Variants in SOS1 observed in about 807,000 individuals in gnomAD.
The protein encoded by SOS1 is SOS Ras/Rac guanine nucleotide exchange factor 1, also known as son of sevenless homolog 1.
Under a neutral mutation model 157.6 loss-of-function variants are expected in SOS1, and 25 were observed. The observed-to-expected ratio is 0.16, with a 90% CI of 0.12 to 0.22. The LOEUF (loss-of-function observed/expected upper bound fraction) is 0.22. SOS1 is among the 10% of genes least tolerant of loss of function. The pLI, the probability that SOS1 is intolerant of heterozygous loss-of-function variation, is 1.00. For missense variants in SOS1, 1,237 were observed against 1,599.1 expected (o/e 0.77, Z 3.86); for synonymous variants, 528 against 534.0 (o/e 0.99, Z 0.16).
chr2:39,095,411 CTT>C (rs1672735327), intron 1 of SOS1, among the ~76,000 whole-genome samples: 1 of 152,130 alleles, frequency 6.6e-6, no homozygotes, highest in African/African-American at 2.4e-5. Flanking sequence ...GGGGAAAAGT[CTT>C]AGTGCAGAGA....
intron 8 of SOS1, among the ~76,000 whole-genome samples, chr2:39,033,080 T>TG (rs892954435): frequency 6.6e-6 from 1 of 151,494 alleles, no homozygotes; most frequent in African/African-American, 2.4e-5. Context: ...CTTCTTTTTT[T>TG]TTTTTTCGAG....
At chr2:39,015,282 T>G (rs1163729074) in intron 10 of SOS1, among the ~76,000 whole-genome samples, 2 of 151,816 alleles carry the variant, frequency 1.3e-5, no homozygotes, top group Admixed American at 6.6e-5. Flanking sequence ...TATCTAGCTT[T>G]CTTTAAATCA....
At chr2:39,045,243 G>GGAGGGA (rs1553360169) in intron 6 of SOS1, among the ~76,000 whole-genome samples, 1 of 83,316 alleles carries the variant, frequency 1.2e-5, no homozygotes, top group African/African-American at 5.9e-5. Context: ...AGAGAGAGAG[G>GGAGGGA]GAGAGAGAGA....
At chr2:38,989,677 G>A (rs1454371095) in intron 20 of SOS1, among the ~76,000 whole-genome samples, 3 of 151,976 alleles carry the variant, frequency 2.0e-5, no homozygotes, top group African/African-American at 7.2e-5. Flanking sequence ...ACTCAAACTT[G>A]TGAAACAAGT....
At chr2:39,091,764 GGCCAGGACTAAATCCCT>G (rs750818493) in intron 1 of SOS1, among the ~76,000 whole-genome samples, 16 of 151,960 alleles carry the variant, frequency 1.1e-4, no homozygotes, top group Non-Finnish European at 1.8e-4. Context: ...TCTATAATAC[GGCCAGGACTAAATCCCT>G]GCCCGCATCT....
rs752017140 is a variant in SOS1 at position 39,058,707 on chromosome 2, G to C, written c.311C>G (p.Ser104Cys). The change falls in exon 3 of 23, where the codon TCT becomes TGT. Residue 104 changes from serine to cysteine, a missense_variant. This residue lies in a region of SOS1 where 37 missense variants were observed against 38.5 expected (regional missense o/e 0.96). Coordinates refer to ENST00000402219, the MANE Select transcript of SOS1 (RefSeq NM_005633.4). ...IEKRKRRNPLSLPVEKIHPLL... is the reference protein window; with the variant it reads ...IEKRKRRNPLCLPVEKIHPLL... Reference sequence around the variant, plus strand: ...AGGATGAATTTTTTCTACTGGGAGAGATAAAGGGTTTCTTCGCTTCCTCTT... The same window carrying C: ...AGGATGAATTTTTTCTACTGGGAGACATAAAGGGTTTCTTCGCTTCCTCTT... 1 of 1,612,866 alleles carries C rather than the reference G, an allele frequency of 6.2e-7. No individual in the cohort carries two copies. Among genetic ancestry groups the C allele is most frequent in the South Asian group, 1.1e-5 (1 of 91,032 alleles).
Position 39,089,622 on chromosome 2 carries a change from T to C in SOS1, c.88-21869A>G, listed in dbSNP as rs1009940219. 3.3e-5 allele frequency among the ~76,000 whole-genome samples: 5 copies of C among 150,938 alleles called. No homozygotes were observed. In the South Asian group the frequency reaches 8.4e-4, roughly 25 times the overall value. On this transcript the variant is annotated intron_variant, in intron 1 of 22. Transcript: ENST00000402219. Reference sequence around the variant, plus strand: ...GCAACAATTTACACAACAAAATAAGTAGCAATAGTATTGGATTATAACCCA... The same window carrying C: ...GCAACAATTTACACAACAAAATAAGCAGCAATAGTATTGGATTATAACCCA...
intron 1 of SOS1, among the ~76,000 whole-genome samples, chr2:39,077,653 T>C (rs1006893698): frequency 2.0e-5 from 3 of 152,040 alleles, no homozygotes; most frequent in Non-Finnish European, 4.4e-5. Flanking sequence ...AAGACCACCG[T>C]AATGGAGAGC....
intron 1 of SOS1, among the ~76,000 whole-genome samples, chr2:39,119,763 A>AAAACG (rs996954337): frequency 2.0e-5 from 3 of 152,216 alleles, no homozygotes; most frequent in Admixed American, 6.5e-5. Flanking sequence ...AAAACAAAAC[A>AAAACG]AAACCCCCCT....
At chr2:39,124,562 C>T (rs1674010588), upstream of SOS1, among the ~76,000 whole-genome samples, 1 of 152,260 alleles carries the variant, frequency 6.6e-6, no homozygotes, top group East Asian at 1.9e-4. Flanking sequence ...CAACGCTCCG[C>T]GCCTTTGCCT....
At chr2:39,025,199 G>GTT (rs1481149438) in intron 8 of SOS1, among the ~76,000 whole-genome samples, 1 of 152,068 alleles carries the variant, frequency 6.6e-6, no homozygotes, top group African/African-American at 2.4e-5. Context: ...AAGCCTACGA[G>GTT]TTTGAGATAC....
intron 5 of SOS1, among the ~76,000 whole-genome samples, chr2:39,052,233 A>C (rs1671042405): frequency 6.6e-6 from 1 of 152,232 alleles, no homozygotes; most frequent in Admixed American, 6.5e-5. Flanking sequence ...TAGAATCTGC[A>C]ACCATATCCA....
intron 5 of SOS1, among the ~76,000 whole-genome samples, chr2:39,054,028 C>T (rs1265483150): frequency 6.6e-6 from 1 of 151,838 alleles, no homozygotes; most frequent in African/African-American, 2.4e-5. Flanking sequence ...CCCAGGTTCA[C>T]GCCATTCTCC....
chr2:39,038,732 C>CA lies in SOS1; in HGVS notation c.865-3233dup, dbSNP rs534107281. ...CTGGCAACAAAATGAGACTCCGTCTCAAAAAAAAAAAAAAAAGTCGTTTCT... is the reference window on the plus strand; with the variant it reads ...CTGGCAACAAAATGAGACTCCGTCTCAAAAAAAAAAAAAAAAAGTCGTTTCT... On this transcript the variant is annotated intron_variant, in intron 6 of 22. Transcript: ENST00000402219. 2.1e-3 allele frequency among the ~76,000 whole-genome samples: 39 copies of CA among 18,214 alleles called. 9 individuals carry two copies. The highest frequency in any genetic ancestry group is 0.012 in the South Asian group (6 of 500). 11.9% of individuals were successfully genotyped at this position (18,214 alleles called of 152,430 possible).
Position 38,983,884 on chromosome 2 carries a change from A to T in SOS1, c.*1940T>A, listed in dbSNP as rs988130113. 6.6e-6 allele frequency: 1 copy of T among 152,182 alleles called. No individual in the cohort carries two copies. The highest frequency in any genetic ancestry group is 1.5e-5 in the Non-Finnish European group (1 of 68,020). 9.4% of individuals were successfully genotyped at this position (152,182 alleles called of 1,614,324 possible). On this transcript the variant is annotated 3_prime_UTR_variant, in exon 23 of 23. Transcript: ENST00000402219. ...AAATTAATGTTTTAGGACGCTTTTC[A>T]AAGAGGAAATATTTTATAAAGAGAA...
intron 1 of SOS1, among the ~76,000 whole-genome samples, chr2:39,119,842 G>C (rs1009083934): frequency 1.3e-5 from 2 of 152,174 alleles, no homozygotes; most frequent in African/African-American, 4.8e-5. Context: ...AATGAGGAGT[G>C]AATACTGACG....
At chr2:39,033,042 T>C (rs1045344426) in intron 8 of SOS1, among the ~76,000 whole-genome samples, 6 of 151,580 alleles carry the variant, frequency 4.0e-5, no homozygotes, top group African/African-American at 1.5e-4. Flanking sequence ...ACATTTGGCA[T>C]ATCCAGGGCT....
At chr2:39,072,959 C>T (rs992212367) in intron 1 of SOS1, among the ~76,000 whole-genome samples, 1 of 152,174 alleles carries the variant, frequency 6.6e-6, no homozygotes, top group African/African-American at 2.4e-5. Flanking sequence ...CCTAAAAATA[C>T]ACAGGCTGTT....
chr2:39,053,048 G>T (rs901374343), intron 5 of SOS1, among the ~76,000 whole-genome samples: 1 of 152,158 alleles, frequency 6.6e-6, no homozygotes, highest in Non-Finnish European at 1.5e-5. Context: ...AGCTACACGG[G>T]AGGCTGAGGC....
Sources: gnomAD v4.1 joint callset for allele counts (sites outside exome capture counted in the v4.1 genomes callset) on GRCh38, gnomAD v4.1.1 for gene constraint, gnomAD v4.1.1 regional missense constraint, MANE v1.5 for transcripts, NCBI Gene and HGNC (gene_info 2026-07-23, HGNC 2026-07-21) for gene names.